MAGI2: variants seen among roughly 807,000 people sequenced by gnomAD.
The protein encoded by MAGI2 is membrane-associated guanylate kinase, WW and PDZ domain-containing protein 2.
MAGI2 carries 35 observed loss-of-function variants against 133.3 expected under a neutral mutation model. The observed-to-expected ratio is 0.26, with a 90% confidence interval of 0.20 to 0.35. The LOEUF (loss-of-function observed/expected upper bound fraction) is 0.35. Among genes scored for constraint, MAGI2 ranks in the 10% least tolerant of loss-of-function variants. The pLI, the probability that MAGI2 is intolerant of heterozygous loss-of-function variation, is 1.00. For missense variants in MAGI2, 1,636 were observed against 1,863.4 expected (o/e 0.88, Z 2.25); for synonymous variants, 729 against 710.6 (o/e 1.03, Z -0.41).
chr7:79,386,090 A>C (rs1025253019), intron 1 of MAGI2, among the ~76,000 whole-genome samples: 2 of 145,954 alleles, frequency 1.4e-5, no homozygotes, highest in African/African-American at 5.3e-5. Context: ...AAAAAATTTT[A>C]ATATAGAACA....
chr7:78,670,455 A>C (rs1814234703), intron 2 of MAGI2, among the ~76,000 whole-genome samples: 1 of 152,250 alleles, frequency 6.6e-6, no homozygotes, highest in Non-Finnish European at 1.5e-5. Flanking sequence ...TTCAATGCTC[A>C]TGGGCAGGAA....
intron 1 of MAGI2, among the ~76,000 whole-genome samples, chr7:79,151,064 T>C (rs532566023): frequency 8.5e-5 from 13 of 152,090 alleles, no homozygotes; most frequent in African/African-American, 1.2e-4. Context: ...TAAAAAAACA[T>C]GTTAGCTTCC....
chr7:78,657,677 G>A lies in MAGI2; in HGVS notation c.419-30438C>T, dbSNP rs570912303. On this transcript the variant is annotated intron_variant, in intron 2 of 21. Coordinates refer to ENST00000354212, the MANE Select transcript of MAGI2 (RefSeq NM_012301.4). ...GGGAAAAGGAAGGCATAAATAGGCA[G>A]AGCATATGTGATTTTTAGAGCAGTG... Among the ~76,000 whole-genome samples the A allele has an allele frequency of 7.2e-5, 11 of 152,338 alleles. No individual in the cohort carries two copies. The East Asian group carries it at 1.7e-3, about 24-fold the overall frequency.
At chr7:79,141,221 A>G (rs1382184242) in intron 1 of MAGI2, among the ~76,000 whole-genome samples, 1 of 152,110 alleles carries the variant, frequency 6.6e-6, no homozygotes, top group Non-Finnish European at 1.5e-5. Flanking sequence ...CCTGTCTTGT[A>G]TTATCTTCAT....
chr7:78,402,307 G>A (rs1040402515), intron 6 of MAGI2, among the ~76,000 whole-genome samples: 7 of 150,668 alleles, frequency 4.6e-5, no homozygotes, highest in Non-Finnish European at 8.9e-5. Context: ...TCCACCTGGG[G>A]TGTGTGTGTA....
intron 2 of MAGI2, among the ~76,000 whole-genome samples, chr7:78,879,612 A>G (rs1795687913): frequency 6.6e-6 from 1 of 152,116 alleles, no homozygotes; most frequent in African/African-American, 2.4e-5. Flanking sequence ...TAATTACAAA[A>G]TTAGTAGTGC....
intron 2 of MAGI2, among the ~76,000 whole-genome samples, chr7:78,946,333 T>C (rs1801414985): frequency 6.6e-6 from 1 of 152,196 alleles, no homozygotes; most frequent in African/African-American, 2.4e-5. Flanking sequence ...ATGTAAGAAT[T>C]TGCTTATCAC....
intron 2 of MAGI2, among the ~76,000 whole-genome samples, chr7:78,939,593 G>T (rs1563686178): frequency 6.6e-6 from 1 of 152,078 alleles, no homozygotes; most frequent in East Asian, 1.9e-4. Flanking sequence ...GAGCAATCAG[G>T]TAGTCTGTTC....
chr7:78,709,499 T>C (rs919885978), intron 2 of MAGI2, among the ~76,000 whole-genome samples: 3 of 152,196 alleles, frequency 2.0e-5, no homozygotes, highest in Admixed American at 6.5e-5. Context: ...GTCTGGCCTG[T>C]GTTTCACCGT....
chr7:78,048,728 CAT>C (rs1811692565), intron 21 of MAGI2, among the ~76,000 whole-genome samples: 1 of 152,156 alleles, frequency 6.6e-6, no homozygotes, highest in Non-Finnish European at 1.5e-5. Context: ...AAGCCTGAAA[CAT>C]AAGCAGTTCC....
At chr7:78,506,260 G>A (rs1468537952) in intron 4 of MAGI2, among the ~76,000 whole-genome samples, 2 of 152,138 alleles carry the variant, frequency 1.3e-5, no homozygotes, top group African/African-American at 2.4e-5. Flanking sequence ...TTTTCACTGA[G>A]ATTGGAAACA....
At chr7:78,975,191 A>G (rs1804139195) in intron 2 of MAGI2, among the ~76,000 whole-genome samples, 1 of 151,776 alleles carries the variant, frequency 6.6e-6, no homozygotes, top group African/African-American at 2.4e-5. Flanking sequence ...CCTAATTGAC[A>G]TTTATACAAT....
chr7:78,067,363 G>A (rs147510065), intron 21 of MAGI2, among the ~76,000 whole-genome samples: 12 of 152,304 alleles, frequency 7.9e-5, no homozygotes, highest in African/African-American at 2.6e-4. Flanking sequence ...TGCTGTGAAG[G>A]CTGGAGTAGA....
intron 1 of MAGI2, among the ~76,000 whole-genome samples, chr7:79,355,449 T>TA (rs1336533714): frequency 2.6e-5 from 4 of 152,254 alleles, no homozygotes; most frequent in Non-Finnish European, 4.4e-5. Flanking sequence ...GCCTTGTAGC[T>TA]ACTAGTTTTA....
intron 1 of MAGI2, among the ~76,000 whole-genome samples, chr7:79,431,530 T>C (rs943394161): frequency 3.9e-5 from 6 of 152,202 alleles, no homozygotes; most frequent in Admixed American, 1.3e-4. Flanking sequence ...AGTCCTAATA[T>C]AGTATTTTTA....
intron 1 of MAGI2, among the ~76,000 whole-genome samples, chr7:79,334,984 C>G (rs1041555159): frequency 6.6e-6 from 1 of 152,098 alleles, no homozygotes; most frequent in Non-Finnish European, 1.5e-5. Context: ...GAAAAAGTCT[C>G]TATGGTAACA....
intron 2 of MAGI2, among the ~76,000 whole-genome samples, chr7:78,961,391 G>A (rs1802826094): frequency 6.6e-6 from 1 of 152,068 alleles, no homozygotes; most frequent in African/African-American, 2.4e-5. Context: ...TCTGGTAGAA[G>A]AGAGAAACAA....
chr7:79,262,930 TG>T (rs1397571751), intron 1 of MAGI2, among the ~76,000 whole-genome samples: 1 of 152,212 alleles, frequency 6.6e-6, no homozygotes, highest in East Asian at 1.9e-4. Context: ...TTTTTCCCTA[TG>T]GTTACCAAGT....
At position 79,238,846 on chromosome 7, in the gene MAGI2, A is replaced by G. The variant is rs538279814; in HGVS notation, c.301+214174T>C. ...AGGTATTACTAATATTATTACTTAA[A>G]GAGAAAAAAACATTTTGCAGGAATA... On this transcript the variant is annotated intron_variant, in intron 1 of 21. Transcript: ENST00000354212. Among the ~76,000 whole-genome samples, 173 of 152,300 alleles carry G rather than the reference A, an allele frequency of 1.1e-3. 1 individual carries two copies. The South Asian group carries it at 0.027, about 24-fold the overall frequency.
Sources: gnomAD v4.1 joint callset for allele counts (sites outside exome capture counted in the v4.1 genomes callset) on GRCh38, gnomAD v4.1.1 for gene constraint, MANE v1.5 for transcripts, NCBI Gene and HGNC (gene_info 2026-07-23, HGNC 2026-07-21) for gene names.